The following EDA variants were observed in gnomAD, a reference collection of about 807,000 sequenced individuals.
The protein encoded by EDA is ectodysplasin A.
Under a neutral mutation model 23.6 loss-of-function variants are expected in EDA, and 2 were observed. That is an observed-to-expected ratio of 0.08 (90% CI 0.03 to 0.27). The LOEUF is 0.27. EDA is among the 10% of genes least tolerant of loss of function. The pLI, the probability that EDA is intolerant of heterozygous loss-of-function variation, is 1.00. For synonymous variants in EDA, 131 were observed against 132.0 expected, an observed-to-expected ratio of 0.99 and a Z score of 0.05; for missense variants, 229 against 324.2, an observed-to-expected ratio of 0.71 and a Z score of 2.26.
chrX:69,899,031 G>A (rs369198862), intron 1 of EDA, among the ~76,000 whole-genome samples: 1 of 112,220 alleles, frequency 8.9e-6, no homozygotes, highest in East Asian at 2.8e-4. Context: ...CATCTTCTAT[G>A]AAGTATAGTA....
intron 1 of EDA, among the ~76,000 whole-genome samples, chrX:69,747,192 T>C (rs2013650393): frequency 9.0e-6 from 1 of 111,610 alleles, no homozygotes; most frequent in South Asian, 3.8e-4. Flanking sequence ...AAGCTAGTAA[T>C]GATGGAAAGG....
chrX:70,017,938 A>G (rs1350422448), intron 2 of EDA, among the ~76,000 whole-genome samples: 1 of 112,044 alleles, frequency 8.9e-6, no homozygotes, highest in Admixed American at 9.5e-5. Context: ...ATATGATTCT[A>G]TACCTAGAAA....
intron 1 of EDA, among the ~76,000 whole-genome samples, chrX:69,676,613 T>C (rs1934094579): frequency 9.0e-6 from 1 of 110,725 alleles, no homozygotes; most frequent in African/African-American, 3.3e-5. Flanking sequence ...ACCTGGGCTG[T>C]ATCAATAATC....
At chrX:69,657,800 T>C (rs778150404) in intron 1 of EDA, among the ~76,000 whole-genome samples, 2 of 111,747 alleles carry the variant, frequency 1.8e-5, no homozygotes, top group Admixed American at 1.9e-4. Context: ...TGCAGCTTCA[T>C]TTCAGGGGTC....
intron 2 of EDA, among the ~76,000 whole-genome samples, chrX:69,978,517 A>ATAAAG (rs1396559872): frequency 1.9e-5 from 2 of 103,280 alleles, no homozygotes; most frequent in African/African-American, 6.9e-5. Flanking sequence ...AAAAAAAAAA[A>ATAAAG]AAAGAAAGAA....
At chrX:69,993,575 G>C (rs1236795991) in intron 2 of EDA, among the ~76,000 whole-genome samples, 1 of 112,373 alleles carries the variant, frequency 8.9e-6, no homozygotes, top group Admixed American at 9.4e-5. Flanking sequence ...ATTCAGGTCT[G>C]TCTGATTCAA....
intron 1 of EDA, among the ~76,000 whole-genome samples, chrX:69,688,457 A>G (rs1029745180): frequency 1.8e-5 from 2 of 110,869 alleles, no homozygotes; most frequent in South Asian, 3.9e-4. Flanking sequence ...CTGGAGTGCA[A>G]TGGCATGTTC....
intron 6 of EDA, among the ~76,000 whole-genome samples, chrX:70,032,908 G>A: frequency 8.9e-6 from 1 of 112,372 alleles, no homozygotes; most frequent in Non-Finnish European, 1.9e-5. Context: ...CTGTGGGTGT[G>A]GAAGAACCGT....
chrX:69,826,380 C>T (rs1202696512), intron 1 of EDA, among the ~76,000 whole-genome samples: 7 of 109,372 alleles, frequency 6.4e-5, no homozygotes, highest in Non-Finnish European at 1.3e-4. Flanking sequence ...AATCTGGGTG[C>T]TCCTGTATTG....
chrX:69,948,687 G>A (rs1259423821), intron 1 of EDA, among the ~76,000 whole-genome samples: 1 of 112,237 alleles, frequency 8.9e-6, no homozygotes, highest in Non-Finnish European at 1.9e-5. Flanking sequence ...TGCTGTCACA[G>A]CTACAAAAAA....
intron 2 of EDA, among the ~76,000 whole-genome samples, chrX:69,966,534 G>A (rs1017697369): frequency 2.9e-5 from 3 of 103,118 alleles, no homozygotes; most frequent in African/African-American, 1.1e-4. Context: ...AGCCAAGATC[G>A]CACCACTGCA....
chrX:69,901,337 A>G (rs1041029355), intron 1 of EDA, among the ~76,000 whole-genome samples: 1 of 112,341 alleles, frequency 8.9e-6, no homozygotes, highest in East Asian at 2.8e-4. Context: ...GTACTGAAAT[A>G]CTATTAACTA....
intron 1 of EDA, among the ~76,000 whole-genome samples, chrX:69,770,618 A>G (rs1053676868): frequency 9.0e-6 from 1 of 111,555 alleles, no homozygotes; most frequent in East Asian, 2.8e-4. Context: ...TATGTATTCA[A>G]CATACTAGTC....
chrX:69,633,138 A>G (rs1932668535), intron 1 of EDA, among the ~76,000 whole-genome samples: 1 of 111,924 alleles, frequency 8.9e-6, no homozygotes, highest in African/African-American at 3.2e-5. Context: ...CTTGCTCACC[A>G]GTGACCTTCA....
intron 1 of EDA, among the ~76,000 whole-genome samples, chrX:69,769,055 C>T (rs1190289496): frequency 9.0e-6 from 1 of 111,631 alleles, no homozygotes; most frequent in East Asian, 2.8e-4. Flanking sequence ...ATTCTTTGTG[C>T]CACTTGCATT....
Position 70,037,719 on chromosome X carries a change from A to T in EDA, c.*2110A>T, listed in dbSNP as rs2147521896. On this transcript the variant is annotated 3_prime_UTR_variant, in exon 8 of 8. Coordinates refer to ENST00000374552, the MANE Select transcript of EDA (RefSeq NM_001399.5). The stretch of plus-strand genomic sequence containing the variant: ...GAAATCCTTGAGAGTTCCGGGGAGA[A>T]ACCCAGAGATGCCTGATTTCATTCC... The T allele has an allele frequency of 8.9e-6, 1 of 111,768 alleles. No individual in the cohort carries two copies. The highest frequency in any genetic ancestry group is 1.9e-5 in the Non-Finnish European group (1 of 53,137). 9.2% of individuals were successfully genotyped at this position (111,768 alleles called of 1,213,427 possible).
At chrX:69,960,077 G>C (rs1157626892) in intron 2 of EDA, among the ~76,000 whole-genome samples, 1 of 111,615 alleles carries the variant, frequency 9.0e-6, no homozygotes, top group Non-Finnish European at 1.9e-5. Flanking sequence ...ATTTTGAGCA[G>C]AGGAATGACA....
intron 2 of EDA, among the ~76,000 whole-genome samples, chrX:69,977,610 G>C (rs539978573): frequency 1.8e-5 from 2 of 112,256 alleles, no homozygotes; most frequent in South Asian, 7.4e-4. Context: ...CACACAAAAA[G>C]ATAAATTGGA....
At chrX:69,787,764 T>G (rs2015245991) in intron 1 of EDA, among the ~76,000 whole-genome samples, 1 of 110,586 alleles carries the variant, frequency 9.0e-6, no homozygotes, top group Non-Finnish European at 1.9e-5. Flanking sequence ...CTGACAATTA[T>G]GTGTCTTGCA....
Sources: gnomAD v4.1 joint callset for allele counts (sites outside exome capture counted in the v4.1 genomes callset) on GRCh38, gnomAD v4.1.1 for gene constraint, MANE v1.5 for transcripts, NCBI Gene and HGNC (gene_info 2026-07-23, HGNC 2026-07-21) for gene names.